The following CAPRIN2 variants were observed in gnomAD, a reference collection of about 807,000 sequenced individuals.
CAPRIN2 encodes caprin family member 2, also known as caprin-2.
Under a neutral mutation model 130.4 loss-of-function variants are expected in CAPRIN2, and 66 were observed. That is an observed-to-expected ratio of 0.51 (90% CI 0.42 to 0.62). The LOEUF is 0.62. Ranked by LOEUF, CAPRIN2 falls within the 20% of genes least tolerant of loss-of-function variation. The probability of loss-of-function intolerance (pLI) is 0.00; values close to 1 mark genes in which losing one functional copy is unlikely to be tolerated. For synonymous variants in CAPRIN2, 471 were observed against 444.1 expected (o/e 1.06, Z -0.76); for missense variants, 1,185 against 1,246.6 (o/e 0.95, Z 0.74).
At chr12:30,740,312 C>CA (rs1489966623) in intron 3 of CAPRIN2, among the ~76,000 whole-genome samples, 1 of 151,596 alleles carries the variant, frequency 6.6e-6, no homozygotes, top group Non-Finnish European at 1.5e-5. Context: ...TGAAAATATC[C>CA]AAAAAAATAG....
intron 9 of CAPRIN2, 28 bp downstream of exon 10, chr12:30,725,938 C>T: frequency 1.3e-6 from 2 of 1,520,970 alleles, no homozygotes; most frequent in Non-Finnish European, 1.8e-6. Flanking sequence ...CCATGAATAT[C>T]ATTTAAGATT....
exon 1 of CAPRIN2, chr12:30,753,355 C>G (rs564183780): frequency 6.2e-7 from 1 of 1,602,206 alleles, no homozygotes; most frequent in South Asian, 1.1e-5. Flanking sequence ...TTCTTTTTCT[C>G]GATGTTTCTA....
chr12:30,728,807 C>T (rs1386387748), exon 8 of CAPRIN2: 1 of 1,614,140 alleles, frequency 6.2e-7, no homozygotes, highest in South Asian at 1.1e-5. Context: ...GAGTCTCTGG[C>T]TGTTTTGAAT....
At chr12:30,715,741 G>A in intron 13 of CAPRIN2, 1 of 193,746 alleles carries the variant, frequency 5.2e-6, no homozygotes, top group Non-Finnish European at 1.1e-5. Context: ...AAAAGAAAAT[G>A]GATTCTAATT....
At position 30,719,077 on chromosome 12, in the gene CAPRIN2, A is replaced by C; in HGVS notation, c.2148+1734T>G. ...CAATCATCATTCATGTTTCATACTC[A>C]CTGTCTGCATGGCTTGAAAGGGTGC... On this transcript the variant is annotated intron_variant, in intron 12 of 16. Transcript: ENST00000298892. 6.2e-7 allele frequency: 1 copy of C among 1,612,794 alleles called. No individual in the cohort carries two copies.
chr12:30,716,494 T>G lies in CAPRIN2; in HGVS notation c.2317+14A>C. ...CCCTCTAAGTCTTCCAAATATCATA[T>G]GCAAAGATCTTACCAGTCTCTTGAG... is the stretch of plus-strand genomic sequence containing the variant. On this transcript the variant is annotated intron_variant, in intron 13 of 16. Transcript: ENST00000298892. 1 of 1,611,114 alleles carries G rather than the reference T, an allele frequency of 6.2e-7. No individual in the cohort carries two copies. Among genetic ancestry groups the G allele is most frequent in the South Asian group, 1.1e-5 (1 of 90,796 alleles).
intron 2 of CAPRIN2, among the ~76,000 whole-genome samples, chr12:30,746,757 A>T (rs1158846458): frequency 6.6e-6 from 1 of 152,238 alleles, no homozygotes; most frequent in African/African-American, 2.4e-5. Context: ...GAGCTAGCAG[A>T]AGCTGGTTCA....
At chr12:30,725,349 T>TG (rs1430533660) in intron 9 of CAPRIN2, among the ~76,000 whole-genome samples, 1 of 152,220 alleles carries the variant, frequency 6.6e-6, no homozygotes, top group African/African-American at 2.4e-5. Context: ...AAATAAGTGT[T>TG]GGAGGTTAAA....
intron 2 of CAPRIN2, among the ~76,000 whole-genome samples, chr12:30,741,738 G>A (rs943938552): frequency 1.3e-5 from 2 of 152,078 alleles, no homozygotes; most frequent in Non-Finnish European, 2.9e-5. Flanking sequence ...GAGAACCTGT[G>A]CAACTGGATA....
chr12:30,746,610 A>T (rs1008666126), intron 2 of CAPRIN2, among the ~76,000 whole-genome samples: 17 of 152,214 alleles, frequency 1.1e-4, no homozygotes, highest in African/African-American at 3.6e-4. Context: ...GAATAATAAG[A>T]AAACAAATGC....
intron 9 of CAPRIN2, among the ~76,000 whole-genome samples, chr12:30,725,403 CA>C (rs1458805766): frequency 2.0e-5 from 3 of 152,192 alleles, no homozygotes; most frequent in African/African-American, 7.2e-5. Flanking sequence ...GGCCCATATT[CA>C]AAGCTCAGGA....
chr12:30,725,127 C>T (rs2060519845), intron 9 of CAPRIN2, among the ~76,000 whole-genome samples: 3 of 152,164 alleles, frequency 2.0e-5, no homozygotes, highest in Admixed American at 2.0e-4. Context: ...TTATTACACC[C>T]AACCAAAGAG....
intron 2 of CAPRIN2, among the ~76,000 whole-genome samples, chr12:30,744,918 A>T (rs2069256291): frequency 6.6e-6 from 1 of 152,220 alleles, no homozygotes; most frequent in Non-Finnish European, 1.5e-5. Context: ...AACAATTTAA[A>T]GCTTTTGAAA....
chr12:30,717,357 A>G (rs2057955456), intron 12 of CAPRIN2, among the ~76,000 whole-genome samples: 1 of 152,228 alleles, frequency 6.6e-6, no homozygotes, highest in Non-Finnish European at 1.5e-5. Flanking sequence ...GATACCACTA[A>G]TATGAGGTAG....
chr12:30,731,137 A>G (rs1317740260), intron 6 of CAPRIN2, among the ~76,000 whole-genome samples: 5 of 152,192 alleles, frequency 3.3e-5, no homozygotes, highest in Admixed American at 2.6e-4. Flanking sequence ...GTACAAATTA[A>G]TATTTCTAAT....
intron 2 of CAPRIN2, among the ~76,000 whole-genome samples, chr12:30,746,010 CAT>C (rs1755468704): frequency 6.6e-6 from 1 of 152,022 alleles, no homozygotes; most frequent in Admixed American, 6.6e-5. Context: ...CAAAGAAAAA[CAT>C]AGAGCATATT....
chr12:30,750,865 G>A (rs940423562), intron 2 of CAPRIN2, among the ~76,000 whole-genome samples: 3 of 152,116 alleles, frequency 2.0e-5, no homozygotes, highest in Admixed American at 1.3e-4. Context: ...ACACCCCCAT[G>A]CGTACCATCT....
chr12:30,746,743 T>G (rs1236420757), intron 2 of CAPRIN2, among the ~76,000 whole-genome samples: 1 of 152,142 alleles, frequency 6.6e-6, no homozygotes, highest in Non-Finnish European at 1.5e-5. Context: ...AGAAGAAAAG[T>G]TGGGAGCTAG....
chr12:30,715,975 A>T (rs2057424200), intron 13 of CAPRIN2: 2 of 154,990 alleles, frequency 1.3e-5, no homozygotes, highest in African/African-American at 4.8e-5. Context: ...AATACAAAAA[A>T]TCTACAAGTG....
Sources: gnomAD v4.1 joint callset for allele counts (sites outside exome capture counted in the v4.1 genomes callset) on GRCh38, gnomAD v4.1.1 for gene constraint, MANE v1.5 for transcripts, NCBI Gene and HGNC (gene_info 2026-07-23, HGNC 2026-07-21) for gene names.